The following UBE2D1 variants were observed in gnomAD, a reference collection of about 807,000 sequenced individuals.
UBE2D1 encodes the protein ubiquitin conjugating enzyme E2 D1.
In UBE2D1, 9 loss-of-function variants were observed where a neutral mutation model predicts 24.6. That is an observed-to-expected ratio of 0.37 (90% CI 0.22 to 0.64). The LOEUF is 0.64. Among genes scored for constraint, UBE2D1 ranks in the 30% least tolerant of loss-of-function variants. UBE2D1 has a pLI of 0.64. For missense variants in UBE2D1, 87 were observed against 177.1 expected (o/e 0.49, Z 2.89); for synonymous variants, 57 against 57.6 (o/e 0.99, Z 0.04).
At chr10:58,351,903 CA>C (rs1291670009) in intron 1 of UBE2D1, among the ~76,000 whole-genome samples, 1 of 152,112 alleles carries the variant, frequency 6.6e-6, no homozygotes, top group African/African-American at 2.4e-5. Flanking sequence ...TTTTCATCTC[CA>C]TTATAATTTT....
chr10:58,340,651 CT>C lies in UBE2D1; in HGVS notation c.24+5427del, dbSNP rs1056732188. 2.0e-4 allele frequency among the ~76,000 whole-genome samples: 31 copies of C among 152,176 alleles called. 1 individual carries two copies. Among genetic ancestry groups the C allele is most frequent in the African/African-American group, 2.4e-5 (1 of 41,524 alleles). On this transcript the variant is annotated intron_variant, in intron 1 of 6. Coordinates refer to ENST00000373910, the MANE Select transcript of UBE2D1 (RefSeq NM_003338.5). ...TTTTATATGCCAATGATTGTGCCCC[CT>C]AGGATAGCAAATAAAATCTGTCAAT...
intron 5 of UBE2D1, among the ~76,000 whole-genome samples, chr10:58,367,188 G>T (rs1840265053): frequency 6.6e-6 from 1 of 152,074 alleles, no homozygotes; most frequent in Admixed American, 6.6e-5. Flanking sequence ...AGTGGAAATG[G>T]GAGGTTGGTC....
chr10:58,364,718 C>G, intron 4 of UBE2D1, 53 bp from the exon 5 acceptor site: 1 of 1,371,182 alleles, frequency 7.3e-7, no homozygotes, highest in South Asian at 1.2e-5. Context: ...CTGTTTTATT[C>G]ATAGTTGATT....
intron 1 of UBE2D1, among the ~76,000 whole-genome samples, chr10:58,347,857 C>T (rs2132319815): frequency 6.6e-6 from 1 of 152,172 alleles, no homozygotes; most frequent in South Asian, 2.1e-4. Context: ...CCATGTTGGC[C>T]AGGCTGGTCT....
At chr10:58,340,737 AT>A (rs1393838022) in intron 1 of UBE2D1, among the ~76,000 whole-genome samples, 1 of 152,172 alleles carries the variant, frequency 6.6e-6, no homozygotes, top group Non-Finnish European at 1.5e-5. Context: ...TTAATTTTAA[AT>A]TTCCTAGTAG....
At chr10:58,353,770 C>A (rs1288485795) in intron 1 of UBE2D1, among the ~76,000 whole-genome samples, 1 of 152,066 alleles carries the variant, frequency 6.6e-6, no homozygotes, top group Non-Finnish European at 1.5e-5. Flanking sequence ...TATTCTAACA[C>A]CTGTTATACT....
chr10:58,339,369 G>GT (rs1839938148), intron 1 of UBE2D1, among the ~76,000 whole-genome samples: 1 of 152,204 alleles, frequency 6.6e-6, no homozygotes, highest in African/African-American at 2.4e-5. Flanking sequence ...GCCTCCCAAA[G>GT]TGCTGGGATT....
intron 1 of UBE2D1, among the ~76,000 whole-genome samples, chr10:58,337,765 CTG>C (rs1199360380): frequency 1.3e-5 from 2 of 152,074 alleles, no homozygotes; most frequent in Non-Finnish European, 2.9e-5. Context: ...GGAAAGAAGA[CTG>C]AGGACCACTG....
In UBE2D1 at chr10:58,369,096, A is replaced by G. The variant is rs181991802; in HGVS notation, c.*331A>G. 3 of 175,876 alleles carry G rather than the reference A, an allele frequency of 1.7e-5. No homozygotes were observed. The highest frequency in any genetic ancestry group is 2.4e-5 in the Non-Finnish European group (2 of 83,302). 10.9% of individuals were successfully genotyped at this position (175,876 alleles called of 1,614,324 possible). Reference sequence around the variant, plus strand: ...TTTTGCTGAAACTAGATGTTTTTACATGAGAAATACTGTATGTGTTGTCTA... The same window carrying G: ...TTTTGCTGAAACTAGATGTTTTTACGTGAGAAATACTGTATGTGTTGTCTA... On this transcript the variant is annotated 3_prime_UTR_variant, in exon 7 of 7. Transcript: ENST00000373910.
chr10:58,347,637 CTCTT>C (rs772245626), intron 1 of UBE2D1, among the ~76,000 whole-genome samples: 1 of 140,418 alleles, frequency 7.1e-6, no homozygotes, highest in Non-Finnish European at 1.5e-5. Flanking sequence ...CTAAATTACA[CTCTT>C]TTTTTTTTTT....
At chr10:58,335,386 G>C (rs1268268362) in intron 1 of UBE2D1, among the ~76,000 whole-genome samples, 161 bp downstream of exon 1, 2 of 152,226 alleles carry the variant, frequency 1.3e-5, no homozygotes, top group African/African-American at 4.8e-5. Context: ...GCGGGCATCG[G>C]ACAGGTGAGG....
intron 1 of UBE2D1, 68 bp from the exon 2 acceptor site, chr10:58,361,270 A>G (rs1235595195): frequency 6.6e-7 from 1 of 1,515,888 alleles, no homozygotes; most frequent in Non-Finnish European, 9.2e-7. Context: ...TTGCATCTTA[A>G]TGGATCATTA....
At chr10:58,336,314 A>G (rs2132310769) in intron 1 of UBE2D1, among the ~76,000 whole-genome samples, 1 of 152,328 alleles carries the variant, frequency 6.6e-6, no homozygotes, top group African/African-American at 2.4e-5. Context: ...TGTATTTTGT[A>G]GTTGTTTCAG....
intron 1 of UBE2D1, among the ~76,000 whole-genome samples, chr10:58,336,802 A>T (rs556363326): frequency 6.6e-6 from 1 of 152,204 alleles, no homozygotes; most frequent in Non-Finnish European, 1.5e-5. Flanking sequence ...AATTTTTCAC[A>T]TGATTTTGCA....
intron 1 of UBE2D1, among the ~76,000 whole-genome samples, chr10:58,359,696 C>T (rs556138818): frequency 1.3e-5 from 2 of 152,308 alleles, no homozygotes; most frequent in South Asian, 2.1e-4. Flanking sequence ...GTTACTCAAG[C>T]ATGCAGTGAA....
Position 58,361,079 on chromosome 10 carries a change from G to C in UBE2D1, c.25-259G>C, listed in dbSNP as rs193034422. 550 of 548,134 alleles carry C rather than the reference G, an allele frequency of 1.0e-3. 1 individual carries two copies. The highest frequency in any genetic ancestry group is 1.6e-3 in the Non-Finnish European group (489 of 305,610). The allele number at this position is 548,134 out of a possible 1,614,324, so 34.0% of individuals were successfully genotyped here. A position where few individuals can be genotyped will look rare whatever the true frequency, so the allele number is the denominator to read the frequency against. On this transcript the variant is annotated intron_variant, in intron 1 of 6. Transcript: ENST00000373910. ...ACATACAGTAGGTACTCATTAAATA[G>C]TTTTTCTCTTAGGGATGTTAAAGAA... is the stretch of plus-strand genomic sequence containing the variant.
rs559869212 is a variant in UBE2D1 at position 58,339,556 on chromosome 10, G to A, written c.24+4331G>A. 2.3e-4 allele frequency among the ~76,000 whole-genome samples: 35 copies of A among 152,148 alleles called. No individual in the cohort carries two copies. In the South Asian group the frequency reaches 6.4e-3, roughly 28 times the overall value. On this transcript the variant is annotated intron_variant, in intron 1 of 6. Coordinates refer to ENST00000373910, the MANE Select transcript of UBE2D1 (RefSeq NM_003338.5). Reference sequence around the variant, plus strand: ...CTCAAAAACCAGGGTGTTTGTAATCGTTACTCTGCCTTCTAAGTACTTGAC... The same window carrying A: ...CTCAAAAACCAGGGTGTTTGTAATCATTACTCTGCCTTCTAAGTACTTGAC...
At chr10:58,357,281 C>T (rs539760762) in intron 1 of UBE2D1, among the ~76,000 whole-genome samples, 1 of 152,094 alleles carries the variant, frequency 6.6e-6, no homozygotes, top group South Asian at 2.1e-4. Flanking sequence ...TCTTTAATAC[C>T]CCATATGTAG....
At chr10:58,336,335 T>A (rs1839903037) in intron 1 of UBE2D1, among the ~76,000 whole-genome samples, 1 of 152,238 alleles carries the variant, frequency 6.6e-6, no homozygotes. Context: ...AAGAAATTGA[T>A]GCCCACATTT....
Sources: gnomAD v4.1 joint callset for allele counts (sites outside exome capture counted in the v4.1 genomes callset) on GRCh38, gnomAD v4.1.1 for gene constraint, MANE v1.5 for transcripts, NCBI Gene and HGNC (gene_info 2026-07-23, HGNC 2026-07-21) for gene names.